KMT2C: variants seen among roughly 807,000 people sequenced by gnomAD.
KMT2C encodes histone-lysine N-methyltransferase 2C.
A neutral mutation model predicts 507.9 loss-of-function variants in KMT2C; 88 were observed. The observed-to-expected ratio is 0.17, with a 90% CI of 0.15 to 0.21. KMT2C has a LOEUF of 0.21. Ranked by LOEUF, KMT2C falls within the 10% of genes least tolerant of loss-of-function variation. The probability of loss-of-function intolerance (pLI) is 1.00; values close to 1 mark genes in which losing one functional copy is unlikely to be tolerated. For synonymous variants in KMT2C, 2,049 were observed against 2,080.8 expected (o/e 0.98, Z 0.42); for missense variants, 4,954 against 5,957.8 (o/e 0.83, Z 5.55).
rs867093348 is a variant in KMT2C, at chr7:152,171,056, T to C, written c.9453+208A>G. Among the ~76,000 whole-genome samples the C allele has an allele frequency of 1.3e-5, 2 of 152,346 alleles. 1 individual carries two copies. The highest frequency in any genetic ancestry group is 6.8e-3 in the Middle Eastern group (2 of 294). On this transcript the variant is annotated intron_variant, in intron 40 of 58. Transcript: ENST00000262189. The stretch of plus-strand genomic sequence containing the variant: ...AGTAAAGTGTCTTTTTGGTTACTTT[T>C]GGCTGTGCTGATAGATAAGGCTACT...
intron 14 of KMT2C, among the ~76,000 whole-genome samples, chr7:152,247,103 T>C (rs965556841): frequency 3.9e-5 from 6 of 152,158 alleles, no homozygotes; most frequent in African/African-American, 1.4e-4. Flanking sequence ...AAACTCCAAA[T>C]TACTATTGTG....
chr7:152,265,386 A>C (rs1199854795), intron 7 of KMT2C, among the ~76,000 whole-genome samples, 177 bp from the exon 8 acceptor site: 3 of 152,226 alleles, frequency 2.0e-5, no homozygotes, highest in African/African-American at 7.2e-5. Context: ...TAGGGTATTT[A>C]ATCTAAATGT....
At chr7:152,315,425 T>TA (rs969105948) in intron 3 of KMT2C, 87 bp from the exon 4 acceptor site, 2 of 909,336 alleles carry the variant, frequency 2.2e-6, no homozygotes, top group African/African-American at 3.3e-5. Flanking sequence ...CTTGTGCTTT[T>TA]AAATTATGTC....
chr7:152,218,704 T>G (rs1256613922), intron 23 of KMT2C, among the ~76,000 whole-genome samples: 1 of 152,112 alleles, frequency 6.6e-6, no homozygotes, highest in African/African-American at 2.4e-5. Context: ...TTGTGTGAGA[T>G]ATACTGAGCC....
chr7:152,226,599 A>G (rs2094941597), intron 18 of KMT2C, among the ~76,000 whole-genome samples: 1 of 152,144 alleles, frequency 6.6e-6, no homozygotes, highest in African/African-American at 2.4e-5. Context: ...TAGCTTATTG[A>G]TTTTTAAGAA....
intron 6 of KMT2C, among the ~76,000 whole-genome samples, chr7:152,297,051 A>AAGAAAGAAAGAAAGACAGAC (rs1356233143): frequency 1.3e-3 from 80 of 60,250 alleles, no homozygotes; most frequent in South Asian, 1.8e-3. Flanking sequence ...GAAAGAAAGA[A>AAGAAAGAAAGAAAGACAGAC]AGACAGAGAG....
chr7:152,254,138 G>A (rs1027124250), intron 9 of KMT2C, among the ~76,000 whole-genome samples: 1 of 151,982 alleles, frequency 6.6e-6, no homozygotes, highest in African/African-American at 2.4e-5. Flanking sequence ...CTAAATAGCT[G>A]GGCACGGTGG....
chr7:152,195,407 T>C (rs1563345746), intron 28 of KMT2C: 1 of 314,514 alleles, frequency 3.2e-6, no homozygotes, highest in Non-Finnish European at 4.6e-6. Context: ...TATGGATTAG[T>C]GACAAATTAG....
intron 22 of KMT2C, 75 bp from the exon 23 acceptor site, chr7:152,220,810 C>G (rs1028856638): frequency 9.2e-7 from 1 of 1,081,266 alleles, no homozygotes; most frequent in African/African-American, 1.6e-5. Flanking sequence ...TCCAAAATAC[C>G]CATGTCAAGG....
At position 152,309,935 on chromosome 7, in the gene KMT2C, T is replaced by C. The variant is rs1387760843; in HGVS notation, c.849+31A>G. 2.3e-6 allele frequency: 3 copies of C among 1,328,254 alleles called. No individual in the cohort carries two copies. In the African/African-American group the frequency reaches 4.3e-5, roughly 19 times the overall value. 82.3% of individuals were successfully genotyped at this position (1,328,254 alleles called of 1,614,324 possible). On this transcript the variant is annotated intron_variant, in intron 6 of 58. Coordinates refer to ENST00000262189, the MANE Select transcript of KMT2C (RefSeq NM_170606.3). Reference sequence around the variant, plus strand: ...CTGATTAAAGTGAATGTTATAAAACTATGATTTAAATATTTGCTTTGTCTA... The same window carrying C: ...CTGATTAAAGTGAATGTTATAAAACCATGATTTAAATATTTGCTTTGTCTA...
chr7:152,391,303 T>A (rs2097495367), intron 1 of KMT2C, among the ~76,000 whole-genome samples: 1 of 151,696 alleles, frequency 6.6e-6, no homozygotes, highest in South Asian at 2.1e-4. Flanking sequence ...CACTGACTGG[T>A]TCCATCTCAG....
chr7:152,175,835 G>A (rs534804467), intron 38 of KMT2C, among the ~76,000 whole-genome samples: 1 of 152,314 alleles, frequency 6.6e-6, no homozygotes, highest in African/African-American at 2.4e-5. Flanking sequence ...GAGGTCAGGA[G>A]TTTGAGACCA....
At chr7:152,184,464 G>GC (rs2093557659) in intron 34 of KMT2C, among the ~76,000 whole-genome samples, 1 of 152,108 alleles carries the variant, frequency 6.6e-6, no homozygotes, top group Admixed American at 6.6e-5. Context: ...TATGAACTGC[G>GC]AATCTTATAA....
chr7:152,154,536 G>GT, intron 46 of KMT2C, 91 bp from the exon 47 acceptor site: 8 of 1,076,418 alleles, frequency 7.4e-6, no homozygotes, highest in Middle Eastern at 2.8e-4. Flanking sequence ...GAATACAGCT[G>GT]TAAGGATACT....
chr7:152,202,845 C>A, intron 26 of KMT2C, 89 bp downstream of exon 26: 1 of 1,097,548 alleles, frequency 9.1e-7, no homozygotes, highest in East Asian at 2.6e-5. Flanking sequence ...AAAACATTAA[C>A]AAAAACAACA....
intron 2 of KMT2C, among the ~76,000 whole-genome samples, chr7:152,350,203 T>G (rs1163671587): frequency 6.6e-6 from 1 of 152,080 alleles, no homozygotes; most frequent in Non-Finnish European, 1.5e-5. Flanking sequence ...TGAGCCGAGA[T>G]TGCACCATTG....
At chr7:152,175,718 A>G (rs1199751617) in intron 38 of KMT2C, among the ~76,000 whole-genome samples, 1 of 152,100 alleles carries the variant, frequency 6.6e-6, no homozygotes, top group Non-Finnish European at 1.5e-5. Flanking sequence ...GCCGTGAGCC[A>G]CTGTGCCCAG....
intron 58 of KMT2C, chr7:152,137,650 C>T (rs1424743747): frequency 6.6e-6 from 1 of 152,254 alleles, no homozygotes; most frequent in African/African-American, 2.4e-5. Flanking sequence ...AATGATTCCA[C>T]TGCTTTCTTT....
chr7:152,245,918 C>T (rs889781685), intron 14 of KMT2C, among the ~76,000 whole-genome samples: 13 of 152,132 alleles, frequency 8.5e-5, no homozygotes, highest in African/African-American at 2.9e-4. Context: ...ACATCACAAT[C>T]ACAGCCAGGA....
Sources: gnomAD v4.1 joint callset for allele counts (sites outside exome capture counted in the v4.1 genomes callset) on GRCh38, gnomAD v4.1.1 for gene constraint, MANE v1.5 for transcripts, NCBI Gene and HGNC (gene_info 2026-07-23, HGNC 2026-07-21) for gene names.